The following ARID1B variants were observed in gnomAD, a reference collection of about 807,000 sequenced individuals.
The protein encoded by ARID1B is AT-rich interactive domain-containing protein 1B.
ARID1B carries 30 observed loss-of-function variants against 212.3 expected under a neutral mutation model. The observed-to-expected ratio is 0.14, with a 90% CI of 0.11 to 0.19. The LOEUF is 0.19. ARID1B is among the 10% of genes least tolerant of loss of function. ARID1B has a pLI of 1.00. For missense variants in ARID1B, 2,891 were observed against 3,204.0 expected, an observed-to-expected ratio of 0.90 and a Z score of 2.36; for synonymous variants, 1,402 against 1,301.7, an observed-to-expected ratio of 1.08 and a Z score of -1.66.
At chr6:157,161,998 C>T (rs1010389823) in intron 8 of ARID1B, among the ~76,000 whole-genome samples, 22 of 152,304 alleles carry the variant, frequency 1.4e-4, no homozygotes, top group African/African-American at 7.2e-5. Flanking sequence ...GAGCTTCCCC[C>T]GTGTCTGCCA....
intron 2 of ARID1B, among the ~76,000 whole-genome samples, chr6:156,897,180 TTGC>T (rs1361255739): frequency 6.9e-6 from 1 of 145,764 alleles, no homozygotes; most frequent in South Asian, 2.2e-4. Flanking sequence ...AATTCTTCTT[TTGC>T]TGCTGCTACT....
chr6:156,800,428 A>C (rs1210874072), intron 1 of ARID1B, among the ~76,000 whole-genome samples: 1 of 152,090 alleles, frequency 6.6e-6, no homozygotes, highest in Non-Finnish European at 1.5e-5. Flanking sequence ...GTCTCTACTA[A>C]AAATGCAAAA....
intron 4 of ARID1B, among the ~76,000 whole-genome samples, chr6:156,950,472 T>C (rs903827324): frequency 6.6e-6 from 1 of 152,226 alleles, no homozygotes; most frequent in Non-Finnish European, 1.5e-5. Context: ...TATATGGGGA[T>C]GTAAGAGAAA....
chr6:156,853,423 A>G (rs967807744), intron 2 of ARID1B, among the ~76,000 whole-genome samples: 6 of 152,118 alleles, frequency 3.9e-5, no homozygotes, highest in Admixed American at 1.3e-4. Context: ...TTGAGGCCCA[A>G]GCTTCCTTTC....
chr6:157,149,055 G>A, intron 8 of ARID1B, 104 bp downstream of exon 8: 3 of 1,198,644 alleles, frequency 2.5e-6, no homozygotes, highest in Non-Finnish European at 3.5e-6. Context: ...ACACAGAGCA[G>A]TAGAATGTCA....
At chr6:156,868,656 A>G (rs1227852779) in intron 2 of ARID1B, among the ~76,000 whole-genome samples, 1 of 152,180 alleles carries the variant, frequency 6.6e-6, no homozygotes, top group Non-Finnish European at 1.5e-5. Context: ...CTCATGACCT[A>G]GTCACCTCCC....
chr6:156,894,556 AT>A (rs546040604), intron 2 of ARID1B, among the ~76,000 whole-genome samples: 59 of 152,346 alleles, frequency 3.9e-4, no homozygotes, highest in African/African-American at 1.4e-3. Flanking sequence ...ACACAGCAAA[AT>A]AGTAGCATGT....
chr6:157,090,619 CAG>C (rs1443935612), intron 5 of ARID1B, among the ~76,000 whole-genome samples: 2 of 152,230 alleles, frequency 1.3e-5, no homozygotes, highest in Non-Finnish European at 2.9e-5. Flanking sequence ...CTATCATAGA[CAG>C]AAACAAAATA....
chr6:156,779,661 C>T (rs918634432), intron 1 of ARID1B, 190 bp downstream of exon 1: 28 of 411,608 alleles, frequency 6.8e-5, no homozygotes, highest in African/African-American at 5.8e-4. Flanking sequence ...GGCGCGCTGT[C>T]CAGGCCTGGG....
intron 1 of ARID1B, among the ~76,000 whole-genome samples, chr6:156,783,048 A>G (rs751968084): frequency 6.6e-5 from 10 of 152,010 alleles, no homozygotes; most frequent in Middle Eastern, 3.2e-3. Flanking sequence ...TTAATACTAC[A>G]TCAGTAAGTA....
intron 6 of ARID1B, among the ~76,000 whole-genome samples, chr6:157,123,909 G>GT (rs1166740323): frequency 6.6e-5 from 10 of 152,232 alleles, no homozygotes; most frequent in African/African-American, 2.4e-4. Flanking sequence ...TGCTGAACTA[G>GT]TAAGTGGTGA....
chr6:156,995,549 G>C (rs1362723227), intron 4 of ARID1B, among the ~76,000 whole-genome samples: 2 of 152,198 alleles, frequency 1.3e-5, no homozygotes, highest in Admixed American at 1.3e-4. Context: ...CCAGGGTACT[G>C]TACTAGGAAC....
chr6:156,900,337 A>G (rs543182775), intron 2 of ARID1B, among the ~76,000 whole-genome samples: 9 of 152,296 alleles, frequency 5.9e-5, no homozygotes, highest in Admixed American at 3.9e-4. Flanking sequence ...GATTTTTCTT[A>G]GAGGCTAAAT....
At chr6:156,847,851 G>T (rs1371627994) in intron 2 of ARID1B, among the ~76,000 whole-genome samples, 2 of 152,240 alleles carry the variant, frequency 1.3e-5, no homozygotes, top group Non-Finnish European at 2.9e-5. Flanking sequence ...TTGCTCTCCA[G>T]GAGTCACAGA....
chr6:156,894,534 G>A (rs1788232332), intron 2 of ARID1B, among the ~76,000 whole-genome samples: 1 of 152,192 alleles, frequency 6.6e-6, no homozygotes, highest in African/African-American at 2.4e-5. Flanking sequence ...GGAGAAAGGT[G>A]CTCATTCTTT....
intron 4 of ARID1B, among the ~76,000 whole-genome samples, chr6:157,064,535 T>C (rs547235378): frequency 1.3e-5 from 2 of 152,300 alleles, no homozygotes; most frequent in South Asian, 2.1e-4. Flanking sequence ...TTTTTACTCT[T>C]CTAATGCTTC....
rs554153847 is a variant in ARID1B at position 157,085,039 on chromosome 6, A to G, written c.2491+134A>G. 2,449 of 1,165,234 alleles carry G rather than the reference A, an allele frequency of 2.1e-3. 8 individuals carry two copies. The highest frequency in any genetic ancestry group is 2.6e-3 in the Non-Finnish European group (2,224 of 853,224). 72.2% of individuals were successfully genotyped at this position (1,165,234 alleles called of 1,614,324 possible). On this transcript the variant is annotated intron_variant, in intron 5 of 19. Transcript: ENST00000636930. ...TTAAGAGTATAACTGAATTCTCACC[A>G]AGGCATACGAGAGTCCCAGTTCCTA...
chr6:156,970,194 C>T (rs367669545), intron 4 of ARID1B, among the ~76,000 whole-genome samples: 2 of 152,062 alleles, frequency 1.3e-5, no homozygotes, highest in East Asian at 3.9e-4. Flanking sequence ...AATTCTCCTG[C>T]CTCAGCCTCC....
At chr6:157,202,417 T>C (rs1583504882) in intron 18 of ARID1B, among the ~76,000 whole-genome samples, 1 of 152,154 alleles carries the variant, frequency 6.6e-6, no homozygotes, top group Non-Finnish European at 1.5e-5. Context: ...AAGACATCAA[T>C]CACTGGACAT....
Sources: gnomAD v4.1 joint callset for allele counts (sites outside exome capture counted in the v4.1 genomes callset) on GRCh38, gnomAD v4.1.1 for gene constraint, MANE v1.5 for transcripts, NCBI Gene and HGNC (gene_info 2026-07-23, HGNC 2026-07-21) for gene names.